BHMT2: variants seen among roughly 807,000 people sequenced by gnomAD.
BHMT2 encodes S-methylmethionine--homocysteine S-methyltransferase BHMT2.
In BHMT2, 28 loss-of-function variants were observed where a neutral mutation model predicts 39.0. The observed-to-expected ratio is 0.72, with a 90% confidence interval of 0.53 to 0.98. The LOEUF is 0.98. BHMT2 is among the 50% of genes least tolerant of loss of function. BHMT2 has a pLI of 0.00. For synonymous variants in BHMT2, 145 were observed against 160.6 expected (o/e 0.90, Z 0.74); for missense variants, 410 against 455.6 (o/e 0.90, Z 0.91).
chr5:79,070,145 G>A (rs78118328), intron 1 of BHMT2, among the ~76,000 whole-genome samples: 11,472 of 152,282 alleles, frequency 0.075, 844 homozygotes, highest in African/African-American at 0.18. Flanking sequence ...GCGAGGATCA[G>A]AAGTCTAGCT....
At position 79,083,861 on chromosome 5, in the gene BHMT2, G is replaced by A. The variant is rs1755842657; in HGVS notation, c.1010+5G>A. 2 of 1,607,964 alleles carry A rather than the reference G, an allele frequency of 1.2e-6. No homozygotes were observed. The highest frequency in any genetic ancestry group is 1.7e-5 in the Admixed American group (1 of 59,116). On this transcript the variant is annotated splice_donor_5th_base_variant and intron_variant, in intron 7 of 7. Transcript: ENST00000255192. ...CAAACCCTGGATTAGAGCAAGGTAA[G>A]CATTTTTAAATTAACATTCTTATTA...
chr5:79,072,966 T>TC (rs1157378609), intron 1 of BHMT2, among the ~76,000 whole-genome samples: 2 of 6,616 alleles, frequency 3.0e-4, no homozygotes, highest in Non-Finnish European at 9.4e-4. Flanking sequence ...AATTTGATTC[T>TC]TTTTTTTTTT....
intron 1 of BHMT2, among the ~76,000 whole-genome samples, chr5:79,071,812 A>C (rs1213329694): frequency 6.9e-6 from 1 of 145,218 alleles, no homozygotes; most frequent in East Asian, 2.0e-4. Flanking sequence ...TGTACCCCTG[A>C]ACTTAAAAGT....
intron 1 of BHMT2, among the ~76,000 whole-genome samples, chr5:79,071,907 AG>A (rs977646703): frequency 2.0e-5 from 3 of 152,042 alleles, no homozygotes; most frequent in Admixed American, 6.6e-5. Flanking sequence ...CAGTGAAGGA[AG>A]GGCTAAAAGA....
intron 1 of BHMT2, among the ~76,000 whole-genome samples, chr5:79,074,626 C>A (rs900374475): frequency 1.3e-5 from 2 of 152,172 alleles, no homozygotes; most frequent in African/African-American, 4.8e-5. Flanking sequence ...GAAGCTCGCT[C>A]CTGACACCTG....
chr5:79,079,325 C>T (rs755494460), intron 2 of BHMT2, 44 bp from the exon 3 acceptor site: 1 of 1,383,124 alleles, frequency 7.2e-7, no homozygotes, highest in Non-Finnish European at 1.0e-6. Flanking sequence ...TGTAATATTT[C>T]TTTATTCATT....
rs1189891535 is a variant in BHMT2 at position 79,087,010 on chromosome 5, GTGTGTATATATATATATA to G, written c.1011-1481_1011-1464del. Among the ~76,000 whole-genome samples, 10 of 113,464 alleles carry G rather than the reference GTGTGTATATATATATATA, an allele frequency of 8.8e-5. No homozygotes were observed. In the East Asian group the frequency reaches 1.6e-3, roughly 18 times the overall value. 74.4% of individuals were successfully genotyped at this position (113,464 alleles called of 152,430 possible). On this transcript the variant is annotated intron_variant, in intron 7 of 7. Transcript: ENST00000255192. ...CTTTTGTGTATGTATGTGTGTGTGTGTGTGTATATATATATATATATATATATATATACATATGTATGT... is the reference window on the plus strand; with the variant it reads ...CTTTTGTGTATGTATGTGTGTGTGTGTATATATATATATACATATGTATGT...
chr5:79,072,517 C>A (rs1332353721), intron 1 of BHMT2, among the ~76,000 whole-genome samples: 3 of 152,126 alleles, frequency 2.0e-5, no homozygotes, highest in Non-Finnish European at 4.4e-5. Context: ...TTTGCTAATT[C>A]TTGGCATAGT....
chr5:79,070,477 T>C (rs1016858137), intron 1 of BHMT2, among the ~76,000 whole-genome samples: 1 of 152,188 alleles, frequency 6.6e-6, no homozygotes, highest in Non-Finnish European at 1.5e-5. Flanking sequence ...CAGCCATTTC[T>C]ACGTCGAGTA....
intron 1 of BHMT2, among the ~76,000 whole-genome samples, chr5:79,070,406 C>T (rs1240074101): frequency 1.3e-5 from 2 of 152,168 alleles, no homozygotes; most frequent in African/African-American, 4.8e-5. Context: ...CTCCTCTCAC[C>T]CGGTGGTCCC....
chr5:79,082,907 C>T lies in BHMT2; in HGVS notation c.549C>T (p.Asp183=), dbSNP rs1561242115. Residue 183 remains aspartate, a synonymous_variant, in exon 5 of 8, where the codon GAC becomes GAT. Coordinates refer to ENST00000255192, the MANE Select transcript of BHMT2 (RefSeq NM_017614.5). ...CCATGTGCATAGGCCCAGAGGGAGACATGCATGATATAACCCCCGGAGAAT... is the reference window on the plus strand; with the variant it reads ...CCATGTGCATAGGCCCAGAGGGAGATATGCATGATATAACCCCCGGAGAAT... ...AVTMCIGPEG[D]MHDITPGECA... is the part of the protein sequence containing the mutation. 1.9e-6 allele frequency: 3 copies of T among 1,614,098 alleles called. No individual in the cohort carries two copies. Among genetic ancestry groups the T allele is most frequent in the Non-Finnish European group, 2.5e-6 (3 of 1,180,040 alleles).
At chr5:79,073,836 A>G (rs1755624713) in intron 1 of BHMT2, among the ~76,000 whole-genome samples, 1 of 152,084 alleles carries the variant, frequency 6.6e-6, no homozygotes, top group African/African-American at 2.4e-5. Context: ...CTCTAGTTAA[A>G]CCCCTTCTGA....
chr5:79,081,923 A>G (rs1755795898), intron 4 of BHMT2, among the ~76,000 whole-genome samples: 1 of 152,074 alleles, frequency 6.6e-6, no homozygotes, highest in Non-Finnish European at 1.5e-5. Flanking sequence ...ACTGAACTCT[A>G]CTGAAAACCT....
At chr5:79,077,389 C>T (rs1755690995) in intron 1 of BHMT2, 91 bp from the exon 2 acceptor site, 14 of 1,487,746 alleles carry the variant, frequency 9.4e-6, no homozygotes, top group African/African-American at 5.7e-5. Flanking sequence ...GCTCTAAGAA[C>T]GTAATACCAC....
chr5:79,082,766 T>C, intron 4 of BHMT2, 43 bp from the exon 5 acceptor site: 2 of 1,599,942 alleles, frequency 1.3e-6, no homozygotes, highest in Non-Finnish European at 1.7e-6. Flanking sequence ...ATTCAAAATC[T>C]GCTTTATGTT....
rs2112707758 is a variant in BHMT2, at chr5:79,088,581, G to A, written c.*7G>A. ...GTCAAAGCCAGACTTCTAAGGAGTA[G>A]TGAAAGAAAACCCTGAAATAATCGA... On this transcript the variant is annotated 3_prime_UTR_variant, in exon 8 of 8. Transcript: ENST00000255192. The A allele has an allele frequency of 5.6e-6, 9 of 1,612,252 alleles. No homozygotes were observed. Among genetic ancestry groups the A allele is most frequent in the Non-Finnish European group, 7.6e-6 (9 of 1,179,218 alleles).
intron 2 of BHMT2, among the ~76,000 whole-genome samples, chr5:79,079,017 C>T (rs1357360065): frequency 6.6e-6 from 1 of 152,132 alleles, no homozygotes; most frequent in African/African-American, 2.4e-5. Flanking sequence ...TAAGGGCTGC[C>T]AATGCTGACT....
chr5:79,075,195 A>G (rs926585839), intron 1 of BHMT2, among the ~76,000 whole-genome samples: 1 of 152,186 alleles, frequency 6.6e-6, no homozygotes, highest in African/African-American at 2.4e-5. Context: ...GTGGGCTGTC[A>G]TGTGCTGACC....
In BHMT2 at chr5:79,080,720, G is replaced by T; in HGVS notation, c.292G>T (p.Ala98Ser). The stretch of plus-strand genomic sequence containing the variant: ...TGTAAATGCTGCTGCCTGTGACCTC[G>T]CCAGGGAAGTGGCTGGCAAAGGTGA... ...EDVNAAACDLAREVAGKGDAL... is the reference protein window; with the variant it reads ...EDVNAAACDLSREVAGKGDAL... The change falls in exon 4 of 8, where the codon GCC becomes TCC. Residue 98 changes from alanine (A) to serine (S), a missense_variant. Physicochemically the swap from Ala to Ser is moderately conservative, Grantham distance 99. Coordinates refer to ENST00000255192, the MANE Select transcript of BHMT2 (RefSeq NM_017614.5). 1 of 1,600,692 alleles carries T rather than the reference G, an allele frequency of 6.2e-7. No homozygotes were observed. The highest frequency in any genetic ancestry group is 1.4e-5 in the African/African-American group (1 of 74,012).
Sources: gnomAD v4.1 joint callset for allele counts (sites outside exome capture counted in the v4.1 genomes callset) on GRCh38, gnomAD v4.1.1 for gene constraint, MANE v1.5 for transcripts, NCBI Gene and HGNC (gene_info 2026-07-23, HGNC 2026-07-21) for gene names.